NOTCH2: variants seen among roughly 807,000 people sequenced by gnomAD.
The protein encoded by NOTCH2 is neurogenic locus notch homolog protein 2.
NOTCH2 carries 29 observed loss-of-function variants against 235.8 expected under a neutral mutation model. The ratio of observed to expected loss-of-function variants is 0.12; its 90% CI spans 0.09 to 0.17. The LOEUF is 0.17. Among genes scored for constraint, NOTCH2 ranks in the 10% least tolerant of loss-of-function variants. The pLI is 1.00. For missense variants in NOTCH2, 2,285 were observed against 3,150.2 expected (o/e 0.73, Z 6.57); for synonymous variants, 1,086 against 1,141.5 (o/e 0.95, Z 0.98).
chr1:119,935,109 C>G (rs1649801162), intron 22 of NOTCH2: 1 of 985,264 alleles, frequency 1.0e-6, no homozygotes, highest in Non-Finnish European at 1.2e-6. Context: ...AATACAAAAG[C>G]AGGTAAATGT....
intron 1 of NOTCH2, among the ~76,000 whole-genome samples, chr1:120,065,051 C>T (rs1324760139): frequency 6.6e-6 from 1 of 151,966 alleles, no homozygotes; most frequent in East Asian, 1.9e-4. Context: ...GATGGCAGTG[C>T]CTTTGAAGTG....
chr1:119,925,273 C>T (rs1649436408), intron 25 of NOTCH2, 32 bp downstream of exon 25: 1 of 1,612,520 alleles, frequency 6.2e-7, no homozygotes, highest in Non-Finnish European at 8.5e-7. Context: ...AGTGACAGTC[C>T]CCTTCAGTTC....
intron 2 of NOTCH2, among the ~76,000 whole-genome samples, chr1:120,029,335 A>C (rs1291688082): frequency 6.6e-6 from 1 of 151,736 alleles, no homozygotes; most frequent in African/African-American, 2.4e-5. Context: ...GGAATCTAAT[A>C]TATATTTTTT....
chr1:120,037,126 C>T (rs1254650460), intron 1 of NOTCH2, among the ~76,000 whole-genome samples: 2 of 152,100 alleles, frequency 1.3e-5, no homozygotes, highest in Admixed American at 6.6e-5. Flanking sequence ...TTTTCATATC[C>T]TTCTCCCTAT....
At chr1:119,963,480 T>A in intron 11 of NOTCH2, 94 bp downstream of exon 11, 1 of 1,122,688 alleles carries the variant, frequency 8.9e-7, no homozygotes, top group Non-Finnish European at 1.4e-6. Context: ...GTTTTTTAGG[T>A]ATCTGAGCAT....
intron 5 of NOTCH2, among the ~76,000 whole-genome samples, chr1:119,981,075 C>A (rs1416601764): frequency 6.6e-6 from 1 of 152,142 alleles, no homozygotes; most frequent in Non-Finnish European, 1.5e-5. Context: ...GTCTCTCGTC[C>A]CTGCCTGTAT....
chr1:120,006,350 G>C (rs1690048), intron 2 of NOTCH2, among the ~76,000 whole-genome samples: 48 of 152,056 alleles, frequency 3.2e-4, no homozygotes, highest in African/African-American at 1.1e-3. Context: ...ACACCAAAGT[G>C]AAGGAAGGAA....
At chr1:120,029,579 G>C (rs1215184925) in intron 2 of NOTCH2, among the ~76,000 whole-genome samples, 5 of 152,048 alleles carry the variant, frequency 3.3e-5, no homozygotes, top group Non-Finnish European at 7.4e-5. Context: ...TTGAACTCCT[G>C]ACCTCGTGAT....
At chr1:120,038,299 AC>A (rs1232676479) in intron 1 of NOTCH2, among the ~76,000 whole-genome samples, 209 of 150,414 alleles carry the variant, frequency 1.4e-3, no homozygotes, top group African/African-American at 5.0e-3. Flanking sequence ...TCACCTCTAT[AC>A]CCATGTACAT....
At chr1:119,968,960 C>T (rs1471000175) in intron 6 of NOTCH2, among the ~76,000 whole-genome samples, 1 of 152,224 alleles carries the variant, frequency 6.6e-6, no homozygotes, top group Non-Finnish European at 1.5e-5. Flanking sequence ...TTATCTTCTC[C>T]CATCACCTTC....
intron 13 of NOTCH2, 67 bp downstream of exon 13, chr1:119,954,973 C>T: frequency 1.3e-6 from 2 of 1,530,946 alleles, no homozygotes; most frequent in Non-Finnish European, 1.8e-6. Flanking sequence ...CAGGCTGTCA[C>T]CAGTACTACA....
At chr1:120,011,537 A>C (rs1164500654) in intron 2 of NOTCH2, among the ~76,000 whole-genome samples, 1 of 152,160 alleles carries the variant, frequency 6.6e-6, no homozygotes, top group Non-Finnish European at 1.5e-5. Flanking sequence ...CAGAATGACC[A>C]AAATTTTCTG....
chr1:119,949,035 A>G lies in NOTCH2; in HGVS notation c.2571T>C (p.Tyr857=). Residue 857 remains tyrosine, a synonymous_variant, in exon 16 of 34, where the codon TAT becomes TAC. Coordinates refer to ENST00000256646, the MANE Select transcript of NOTCH2 (RefSeq NM_024408.4). ...GCCAGCCAGGAGCACACAAGCAAGT[A>G]TAACTCTCAAAATTTGGTGACTCTT... ...VCKESPNFES[Y]TCLCAPGWQG... The G allele has an allele frequency of 1.2e-6, 2 of 1,614,220 alleles. No individual in the cohort carries two copies. Among genetic ancestry groups the G allele is most frequent in the Admixed American group, 1.7e-5 (1 of 60,026 alleles).
intron 31 of NOTCH2, among the ~76,000 whole-genome samples, chr1:119,918,829 A>G (rs753267097): frequency 6.6e-6 from 1 of 152,226 alleles, no homozygotes; most frequent in Non-Finnish European, 1.5e-5. Flanking sequence ...GAAATATCAC[A>G]ACTTCAGTCA....
Position 119,911,809 on chromosome 1 carries a change from T to G in NOTCH2, c.*3497A>C. ...CCTTGTCCCTGAGCAACCATCTGTT[T>G]GTCACCAGCTATGGCTAGTGCACAG... On this transcript the variant is annotated 3_prime_UTR_variant, in exon 34 of 34. Coordinates refer to ENST00000256646, the MANE Select transcript of NOTCH2 (RefSeq NM_024408.4). 8.6e-6 allele frequency: 2 copies of G among 233,292 alleles called. No individual in the cohort carries two copies. The highest frequency in any genetic ancestry group is 1.7e-5 in the Non-Finnish European group (2 of 118,038). 14.5% of individuals were successfully genotyped at this position (233,292 alleles called of 1,614,324 possible).
At chr1:119,945,402 AAC>A (rs1259760459) in intron 17 of NOTCH2, among the ~76,000 whole-genome samples, 1 of 152,114 alleles carries the variant, frequency 6.6e-6, no homozygotes, top group Non-Finnish European at 1.5e-5. Context: ...ATTAAATTTA[AAC>A]AGTCTAAATA....
chr1:119,925,932 C>A, intron 24 of NOTCH2, 122 bp from the exon 25 acceptor site: 3 of 1,174,380 alleles, frequency 2.6e-6, no homozygotes, highest in East Asian at 2.5e-5. Flanking sequence ...CAGCCCAAGC[C>A]AAGGTTACTA....
intron 5 of NOTCH2, among the ~76,000 whole-genome samples, chr1:119,985,988 C>G (rs914401632): frequency 2.6e-5 from 4 of 152,108 alleles, no homozygotes; most frequent in Non-Finnish European, 5.9e-5. Context: ...TTTTTAAATG[C>G]TTTTCATCTT....
rs982883277 is a variant in NOTCH2, at chr1:119,915,358, G to A, written c.7364C>T (p.Pro2455Leu). 2.0e-5 allele frequency: 33 copies of A among 1,614,116 alleles called. No homozygotes were observed. The highest frequency in any genetic ancestry group is 2.8e-5 in the Non-Finnish European group (33 of 1,180,042). ...PGGAGGGQRGPGTHMSEPPHN... is the reference protein window; with the variant it reads ...PGGAGGGQRGLGTHMSEPPHN... Reference sequence around the variant, plus strand: ...TGGTGGCTCAGACATGTGTGTCCCAGGTCCCCGCTGACCTCCTCCAGCACC... The same window carrying A: ...TGGTGGCTCAGACATGTGTGTCCCAAGTCCCCGCTGACCTCCTCCAGCACC... The change falls in exon 34 of 34, where the codon CCT becomes CTT. Residue 2455 changes from proline to leucine, a missense_variant. This residue lies in a region of NOTCH2 where 504 missense variants were observed against 538.0 expected (regional missense o/e 0.94). Transcript: ENST00000256646.
Sources: gnomAD v4.1 joint callset for allele counts (sites outside exome capture counted in the v4.1 genomes callset) on GRCh38, gnomAD v4.1.1 for gene constraint, gnomAD v4.1.1 regional missense constraint, MANE v1.5 for transcripts, NCBI Gene and HGNC (gene_info 2026-07-23, HGNC 2026-07-21) for gene names.